AGBL1: variants seen among roughly 807,000 people sequenced by gnomAD.
AGBL1 encodes cytosolic carboxypeptidase 4.
Under a neutral mutation model 118.9 loss-of-function variants are expected in AGBL1, and 130 were observed. The ratio of observed to expected loss-of-function variants is 1.09; its 90% CI spans 0.95 to 1.26. The LOEUF (loss-of-function observed/expected upper bound fraction) is 1.26, where lower values mean the gene tolerates loss of function less well. AGBL1 is among the 50% of genes most tolerant of loss of function. The pLI is 0.00. For missense variants in AGBL1, 1,584 were observed against 1,298.1 expected, an observed-to-expected ratio of 1.22 and a Z score of -3.38; for synonymous variants, 555 against 478.9, an observed-to-expected ratio of 1.16 and a Z score of -2.08.
At chr15:86,841,984 A>G (rs1015307049) in intron 22 of AGBL1, among the ~76,000 whole-genome samples, 1 of 152,226 alleles carries the variant, frequency 6.6e-6, no homozygotes. Context: ...GAATAAACCA[A>G]TTAACAGAGT....
chr15:86,620,200 C>G (rs773075160), intron 21 of AGBL1, among the ~76,000 whole-genome samples: 10 of 152,142 alleles, frequency 6.6e-5, no homozygotes, highest in South Asian at 4.2e-4. Context: ...AGGTCACATC[C>G]AGTCTGTCTC....
chr15:86,824,587 C>T (rs1194957714), intron 22 of AGBL1, among the ~76,000 whole-genome samples: 1 of 151,090 alleles, frequency 6.6e-6, no homozygotes, highest in Non-Finnish European at 1.5e-5. Flanking sequence ...ACAGCTTATT[C>T]TAAAATTTAT....
At chr15:86,548,795 T>C (rs750883192) in intron 20 of AGBL1, among the ~76,000 whole-genome samples, 19 of 152,064 alleles carry the variant, frequency 1.2e-4, no homozygotes, top group Non-Finnish European at 2.5e-4. Flanking sequence ...CATTCTTGCA[T>C]TGCTGAGACT....
At chr15:86,513,811 T>C (rs1949465919) in intron 18 of AGBL1, among the ~76,000 whole-genome samples, 1 of 152,106 alleles carries the variant, frequency 6.6e-6, no homozygotes. Flanking sequence ...TATAACATAG[T>C]ACTATTGTTC....
chr15:86,774,439 G>A (rs12899293), intron 22 of AGBL1, among the ~76,000 whole-genome samples: 87,515 of 151,942 alleles, frequency 0.58, 26,431 homozygotes, highest in South Asian at 0.7. Context: ...CAATTTATTC[G>A]TTGAGCAAAT....
At chr15:86,517,419 G>A (rs1412014154) in intron 18 of AGBL1, among the ~76,000 whole-genome samples, 1 of 152,112 alleles carries the variant, frequency 6.6e-6, no homozygotes, top group East Asian at 1.9e-4. Flanking sequence ...GACTACCCTT[G>A]GAGGAACAAG....
intron 22 of AGBL1, among the ~76,000 whole-genome samples, chr15:86,785,374 T>G (rs575794610): frequency 0.011 from 1,539 of 139,866 alleles, 39 homozygotes; most frequent in African/African-American, 0.038. Flanking sequence ...TTTTTTTTTT[T>G]TTTTGTTTTT....
chr15:86,387,084 A>G (rs371999997), intron 17 of AGBL1, among the ~76,000 whole-genome samples: 1 of 152,120 alleles, frequency 6.6e-6, no homozygotes, highest in East Asian at 1.9e-4. Flanking sequence ...AAGAGACCAA[A>G]TATGAAAATG....
intron 21 of AGBL1, among the ~76,000 whole-genome samples, chr15:86,590,096 G>T (rs891258784): frequency 6.6e-6 from 1 of 152,166 alleles, no homozygotes; most frequent in African/African-American, 2.4e-5. Context: ...GGCCTCCCCA[G>T]TGGGCTGCAA....
intron 18 of AGBL1, among the ~76,000 whole-genome samples, chr15:86,502,680 T>C (rs1026397796): frequency 8.6e-5 from 13 of 151,378 alleles, no homozygotes; most frequent in Non-Finnish European, 1.2e-4. Flanking sequence ...GAGATGATTG[T>C]GTTTGTCTTT....
At chr15:86,761,119 T>C (rs1029655508) in intron 22 of AGBL1, among the ~76,000 whole-genome samples, 1 of 151,956 alleles carries the variant, frequency 6.6e-6, no homozygotes, top group Admixed American at 6.6e-5. Context: ...GTACCCCAGG[T>C]TTTTGCCTCT....
intron 15 of AGBL1, among the ~76,000 whole-genome samples, chr15:86,274,520 A>G (rs540251510): frequency 7.2e-5 from 11 of 152,338 alleles, no homozygotes; most frequent in African/African-American, 2.6e-4. Context: ...AATGAAAGTA[A>G]GCTTCTGTAA....
intron 18 of AGBL1, among the ~76,000 whole-genome samples, chr15:86,519,463 G>A (rs1427105920): frequency 6.6e-6 from 1 of 152,080 alleles, no homozygotes; most frequent in Non-Finnish European, 1.5e-5. Context: ...TTAAATCCCT[G>A]GGAAGAGCAG....
At chr15:86,517,738 G>C (rs1174038289) in intron 18 of AGBL1, among the ~76,000 whole-genome samples, 1 of 152,086 alleles carries the variant, frequency 6.6e-6, no homozygotes, top group Non-Finnish European at 1.5e-5. Context: ...TGACAACCCT[G>C]GTTGTTTTGA....
intron 1 of AGBL1, among the ~76,000 whole-genome samples, chr15:86,140,467 C>G (rs141012677): frequency 2.6e-5 from 4 of 151,974 alleles, no homozygotes; most frequent in African/African-American, 9.7e-5. Context: ...AAATATTTGC[C>G]CACCTTTTAT....
chr15:86,255,506 G>T (rs370866359), intron 7 of AGBL1, among the ~76,000 whole-genome samples: 83 of 152,322 alleles, frequency 5.4e-4, no homozygotes, highest in African/African-American at 1.9e-3. Flanking sequence ...TTAAGGCTGG[G>T]CGTGGTAGCT....
intron 17 of AGBL1, among the ~76,000 whole-genome samples, chr15:86,392,347 A>G (rs946495563): frequency 1.9e-4 from 29 of 152,244 alleles, no homozygotes; most frequent in African/African-American, 6.7e-4. Flanking sequence ...TGTTTAAGTC[A>G]TTTACAGTTG....
At chr15:86,821,923 C>T (rs1309928424) in intron 22 of AGBL1, among the ~76,000 whole-genome samples, 1 of 152,122 alleles carries the variant, frequency 6.6e-6, no homozygotes, top group African/African-American at 2.4e-5. Context: ...ATCGCATGGG[C>T]ACAACCCAAC....
intron 17 of AGBL1, among the ~76,000 whole-genome samples, chr15:86,378,069 C>T (rs899535704): frequency 1.3e-5 from 2 of 152,130 alleles, no homozygotes; most frequent in African/African-American, 4.8e-5. Flanking sequence ...ATTTTGCCTA[C>T]GGACCAACTT....
Sources: gnomAD v4.1 joint callset for allele counts (sites outside exome capture counted in the v4.1 genomes callset) on GRCh38, gnomAD v4.1.1 for gene constraint, MANE v1.5 for transcripts, NCBI Gene and HGNC (gene_info 2026-07-23, HGNC 2026-07-21) for gene names.